CLPTM1L: variants seen among roughly 807,000 people sequenced by gnomAD.
The protein encoded by CLPTM1L is CLPTM1 like.
CLPTM1L carries 38 observed loss-of-function variants against 70.9 expected under a neutral mutation model. The observed-to-expected ratio is 0.54, with a 90% CI of 0.41 to 0.70. The LOEUF is 0.70. CLPTM1L is among the 30% of genes least tolerant of loss of function. The pLI is 0.00. For synonymous variants in CLPTM1L, 339 were observed against 299.9 expected (o/e 1.13, Z -1.35); for missense variants, 652 against 705.9 (o/e 0.92, Z 0.87).
chr5:1,319,950 TG>T lies in CLPTM1L; in HGVS notation c.1532+665del, dbSNP rs563151206. Among the ~76,000 whole-genome samples the T allele has an allele frequency of 8.0e-3, 1,222 of 152,334 alleles. 10 individuals are homozygous for T. Among genetic ancestry groups the T allele is most frequent in the Non-Finnish European group, 0.012 (794 of 68,022 alleles). On this transcript the variant is annotated intron_variant, in intron 16 of 16. Coordinates refer to ENST00000320895, the MANE Select transcript of CLPTM1L (RefSeq NM_030782.5). ...CAGCAGAGCTGGAGGGAGGTTTTGCTGACTGAGAGGGCAGATGTCAGCCCTG... is the reference window on the plus strand; with the variant it reads ...CAGCAGAGCTGGAGGGAGGTTTTGCTACTGAGAGGGCAGATGTCAGCCCTG...
rs983601825 is a variant in CLPTM1L, at chr5:1,325,039, C to T, written c.1147-226G>A. ...GGTCCCACAAGCCTGATGGGGGCAA[C>T]GCGGCCTCACTGCTGTTCCTTGCTC... On this transcript the variant is annotated intron_variant, in intron 10 of 16. Coordinates refer to ENST00000320895, the MANE Select transcript of CLPTM1L (RefSeq NM_030782.5). 5.0e-6 allele frequency: 3 copies of T among 595,638 alleles called. No individual in the cohort carries two copies. The African/African-American group carries it at 5.6e-5, about 11-fold the overall frequency. 36.9% of individuals were successfully genotyped at this position (595,638 alleles called of 1,614,324 possible).
At chr5:1,320,763 CAGT>C in intron 15 of CLPTM1L, 32 bp from the exon 16 acceptor site, 1 of 1,311,588 alleles carries the variant, frequency 7.6e-7, no homozygotes, top group Non-Finnish European at 1.1e-6. Flanking sequence ...GGGTGAACCC[CAGT>C]TGCTGGGGCT....
At chr5:1,332,801 T>C (rs145735631) in intron 7 of CLPTM1L, among the ~76,000 whole-genome samples, 3 of 152,254 alleles carry the variant, frequency 2.0e-5, no homozygotes, top group African/African-American at 7.2e-5. Context: ...TTGAACTTTA[T>C]CAAAACCATT....
chr5:1,326,815 AGG>A (rs1484219607), intron 9 of CLPTM1L, among the ~76,000 whole-genome samples: 1 of 148,926 alleles, frequency 6.7e-6, no homozygotes, highest in African/African-American at 2.5e-5. Context: ...CCTCCCCTAC[AGG>A]GACATTTCAT....
At chr5:1,329,522 G>C (rs1271895753) in intron 9 of CLPTM1L, among the ~76,000 whole-genome samples, 2 of 140,390 alleles carry the variant, frequency 1.4e-5, no homozygotes, top group Non-Finnish European at 1.5e-5. Flanking sequence ...CTGCTTGGTG[G>C]ACAGAGCCTC....
intron 13 of CLPTM1L, 34 bp downstream of exon 13, chr5:1,322,843 A>G (rs1429253689): frequency 1.9e-6 from 3 of 1,607,070 alleles, no homozygotes; most frequent in Admixed American, 3.3e-5. Flanking sequence ...TGCTGGAAAC[A>G]CTAGTACTGA....
chr5:1,330,513 C>G (rs1753018107), intron 8 of CLPTM1L, 130 bp from the exon 9 acceptor site: 1 of 645,424 alleles, frequency 1.5e-6, no homozygotes, highest in Non-Finnish European at 2.8e-6. Flanking sequence ...ACTCCCCAGT[C>G]CACGTCACCC....
At chr5:1,334,237 G>T in intron 7 of CLPTM1L, 52 bp downstream of exon 7, 2 of 1,397,998 alleles carry the variant, frequency 1.4e-6, no homozygotes, top group South Asian at 1.2e-5. Context: ...GAGGCCCGGG[G>T]CCCAGGGAGC....
intron 3 of CLPTM1L, among the ~76,000 whole-genome samples, chr5:1,340,639 T>C (rs192967271): frequency 1.8e-3 from 280 of 152,270 alleles, no homozygotes; most frequent in African/African-American, 6.5e-3. Flanking sequence ...GTGAGGGATG[T>C]TCCTAAGGAG....
In CLPTM1L at chr5:1,320,642, C is replaced by A. The variant is rs140841923; in HGVS notation, c.1506G>T (p.Val502=). Residue 502 remains valine (V), a synonymous_variant, in exon 16 of 17, where the codon GTG becomes GTT. Coordinates refer to ENST00000320895, the MANE Select transcript of CLPTM1L (RefSeq NM_030782.5). ...HRLACFRDDV[V]FLVYLYQRWL... ...ACCGCTGGTACAGGTAGACCAGAAACACCACGTCGTCCCGGAAGCAGGCCA... is the reference window on the plus strand; with the variant it reads ...ACCGCTGGTACAGGTAGACCAGAAAAACCACGTCGTCCCGGAAGCAGGCCA... 6.5e-7 allele frequency: 1 copy of A among 1,545,450 alleles called. No homozygotes were observed. The highest frequency in any genetic ancestry group is 8.7e-7 in the Non-Finnish European group (1 of 1,143,956).
chr5:1,323,058 G>A lies in CLPTM1L; in HGVS notation c.1281-147C>T. On this transcript the variant is annotated intron_variant, in intron 12 of 16. Coordinates refer to ENST00000320895, the MANE Select transcript of CLPTM1L (RefSeq NM_030782.5). ...CTCGGCAGCCAAGAGCAGCAGTGCT[G>A]AGCCTGGTTCTCAAGCTGGAGATAG... is the stretch of plus-strand genomic sequence containing the variant. 3.7e-6 allele frequency: 3 copies of A among 801,008 alleles called. No homozygotes were observed. In the East Asian group the frequency reaches 8.0e-5, roughly 21 times the overall value. The allele number at this position is 801,008 out of a possible 1,614,324, so 49.6% of individuals were successfully genotyped here.
chr5:1,320,593 C>G, intron 16 of CLPTM1L, 23 bp downstream of exon 16: 1 of 1,364,806 alleles, frequency 7.3e-7, no homozygotes, highest in South Asian at 1.4e-5. Flanking sequence ...GAGCAACGGC[C>G]GAGCATACGC....
intron 15 of CLPTM1L, 63 bp downstream of exon 15, chr5:1,321,572 G>C: frequency 6.8e-7 from 1 of 1,460,892 alleles, no homozygotes; most frequent in Non-Finnish European, 9.6e-7. Context: ...CTGTTGGCTG[G>C]AAGACGCCCT....
Position 1,321,674 on chromosome 5 carries a change from C to T in CLPTM1L, c.1377G>A (p.Lys459=), listed in dbSNP as rs1211566008. The part of the protein sequence containing the change: ...LPQLFVNYKL[K]SVAHLPWKAF... ...CCTTCCAGGGCAGATGTGCCACTGA[C>T]TTCAACTGAAACAGGAGAGACAGGC... is the stretch of plus-strand genomic sequence containing the variant. The change falls in exon 15 of 17, where the codon AAG becomes AAA. Residue 459 remains lysine (K), a synonymous_variant. Coordinates refer to ENST00000320895, the MANE Select transcript of CLPTM1L (RefSeq NM_030782.5). 3 of 1,614,028 alleles carry T rather than the reference C, an allele frequency of 1.9e-6. No homozygotes were observed. In the East Asian group the frequency reaches 6.7e-5, roughly 36 times the overall value.
At chr5:1,323,900 A>C (rs1457762651) in intron 11 of CLPTM1L, 31 bp from the exon 12 acceptor site, 1 of 1,538,790 alleles carries the variant, frequency 6.5e-7, no homozygotes, top group Non-Finnish European at 9.0e-7. Flanking sequence ...TTCCAGTTAG[A>C]GGCCCAAACG....
Position 1,323,861 on chromosome 5 carries a change from C to T in CLPTM1L, c.1206G>A (p.Lys402=). ...KTEEYDTQAM[K]YLSYLLYPLC... The stretch of plus-strand genomic sequence containing the variant: ...GAGGGTACAGCAGGTATGACAAGTA[C>T]TTCATGGCCTGCAGGGAACAAAGAT... Residue 402 remains lysine, a synonymous_variant, in exon 12 of 17, where the codon AAG becomes AAA. Coordinates refer to ENST00000320895, the MANE Select transcript of CLPTM1L (RefSeq NM_030782.5). The T allele has an allele frequency of 6.2e-7, 1 of 1,613,224 alleles. No homozygotes were observed. The highest frequency in any genetic ancestry group is 8.5e-7 in the Non-Finnish European group (1 of 1,179,486).
rs901185844 is a variant in CLPTM1L at position 1,317,988 on chromosome 5, C to T, written c.*381G>A. ...GAGTCCATGCGGAATGAATTCCATA[C>T]GTGTTTGAAATTCACATAAGGAGCA... is the stretch of plus-strand genomic sequence containing the variant. On this transcript the variant is annotated 3_prime_UTR_variant, in exon 17 of 17. Coordinates refer to ENST00000320895, the MANE Select transcript of CLPTM1L (RefSeq NM_030782.5). 2.8e-5 allele frequency: 6 copies of T among 214,114 alleles called. No individual in the cohort carries two copies. Among genetic ancestry groups the T allele is most frequent in the Non-Finnish European group, 3.7e-5 (4 of 109,348 alleles). The allele number at this position is 214,114 out of a possible 1,614,324, so 13.3% of individuals were successfully genotyped here.
chr5:1,339,970 A>G (rs192440206), intron 3 of CLPTM1L, among the ~76,000 whole-genome samples: 245 of 151,668 alleles, frequency 1.6e-3, no homozygotes, highest in African/African-American at 5.9e-3. Context: ...CAGGGTCGGC[A>G]CCCTAACCTG....
At chr5:1,325,511 C>G (rs1752468755) in intron 10 of CLPTM1L, 1 of 539,468 alleles carries the variant, frequency 1.9e-6, no homozygotes, top group Non-Finnish European at 3.3e-6. Flanking sequence ...CAGAGGCCGG[C>G]TCAGGCCCAG....
Sources: allele counts gnomAD v4.1 joint callset (sites outside exome capture counted in the v4.1 genomes callset), GRCh38; gene constraint gnomAD v4.1.1; transcripts MANE v1.5; gene names NCBI Gene and HGNC (gene_info 2026-07-23, HGNC 2026-07-21).